Variants in EXT2 observed in about 807,000 individuals in gnomAD.
EXT2 encodes the protein exostosin glycosyltransferase 2, also known as exostosin-2.
EXT2 carries 53 observed loss-of-function variants against 81.6 expected under a neutral mutation model. The observed-to-expected ratio is 0.65, with a 90% CI of 0.52 to 0.82. The LOEUF is 0.82. Among genes scored for constraint, EXT2 ranks in the 40% least tolerant of loss-of-function variants. EXT2 has a pLI of 0.00. For synonymous variants in EXT2, 320 were observed against 340.0 expected (o/e 0.94, Z 0.65); for missense variants, 774 against 910.2 (o/e 0.85, Z 1.93).
chr11:44,147,605 G>A (rs1954735757), intron 7 of EXT2, among the ~76,000 whole-genome samples: 2 of 152,040 alleles, frequency 1.3e-5, no homozygotes, highest in African/African-American at 4.8e-5. Flanking sequence ...CTGTCACCCA[G>A]GTTGGAGTGC....
intron 7 of EXT2, among the ~76,000 whole-genome samples, chr11:44,138,448 T>C (rs1031021065): frequency 6.6e-6 from 1 of 152,128 alleles, no homozygotes; most frequent in African/African-American, 2.4e-5. Flanking sequence ...CCCAGTCTGA[T>C]GATTTGTTTT....
rs1954082392 is a variant in EXT2, at chr11:44,107,956, G to GT, written c.244_245insT (p.Asp82ValfsTer11). ...CGACAGTCCCATCCCAGAGCGGGGG[G>GT]ATCTCAGTTGCAGAATGCACACGTG... On this transcript the variant is annotated frameshift_variant, in exon 2 of 14. Coordinates refer to ENST00000533608, the MANE Select transcript of EXT2 (RefSeq NM_207122.2). LOFTEE classifies it high-confidence loss of function. The GT allele has an allele frequency of 6.2e-7, 1 of 1,614,116 alleles. No homozygotes were observed. The highest frequency in any genetic ancestry group is 1.1e-5 in the South Asian group (1 of 91,090).
intron 7 of EXT2, among the ~76,000 whole-genome samples, chr11:44,167,242 G>A (rs576130469): frequency 3.2e-4 from 49 of 152,318 alleles, no homozygotes; most frequent in African/African-American, 1.0e-3. Context: ...AAATGTGCTC[G>A]TAATCTTCCC....
At chr11:44,206,694 C>A in intron 9 of EXT2, 99 bp from the exon 10 acceptor site, 2 of 1,284,218 alleles carry the variant, frequency 1.6e-6, no homozygotes, top group Non-Finnish European at 2.2e-6. Context: ...GCCGTGGATA[C>A]AAGCTGATTC....
At chr11:44,116,529 C>G (rs1054677594) in intron 4 of EXT2, 6 of 152,206 alleles carry the variant, frequency 3.9e-5, no homozygotes, top group Non-Finnish European at 8.8e-5. Context: ...GACCTAGGAG[C>G]AGAACTGCTG....
In EXT2 at chr11:44,171,593, G is replaced by A; in HGVS notation, c.1174-18G>A. 6.2e-7 allele frequency: 1 copy of A among 1,614,080 alleles called. No homozygotes were observed. The highest frequency in any genetic ancestry group is 8.5e-7 in the Non-Finnish European group (1 of 1,180,002). Reference sequence around the variant, plus strand: ...CTGTCTCGCTTGCTCACTTAAAACAGCATTATTTTCTTTATAGGCCCGGTG... The same window carrying A: ...CTGTCTCGCTTGCTCACTTAAAACAACATTATTTTCTTTATAGGCCCGGTG... On this transcript the variant is annotated intron_variant, in intron 7 of 13. Coordinates refer to ENST00000533608, the MANE Select transcript of EXT2 (RefSeq NM_207122.2).
At chr11:44,119,696 T>A (rs1171573631) in intron 4 of EXT2, among the ~76,000 whole-genome samples, 2 of 152,236 alleles carry the variant, frequency 1.3e-5, no homozygotes, top group African/African-American at 2.4e-5. Flanking sequence ...AGTCTCCAGA[T>A]GACAGCCAAA....
intron 3 of EXT2, among the ~76,000 whole-genome samples, chr11:44,110,652 T>C (rs970441350): frequency 1.1e-4 from 17 of 152,240 alleles, no homozygotes; most frequent in Non-Finnish European, 2.5e-4. Flanking sequence ...TTTCACTTTT[T>C]GCTGACATTT....
chr11:44,158,301 T>C (rs919874834), intron 7 of EXT2, among the ~76,000 whole-genome samples: 1 of 152,198 alleles, frequency 6.6e-6, no homozygotes, highest in Admixed American at 6.5e-5. Flanking sequence ...CCTTGTGGCC[T>C]GGACTGCCTT....
chr11:44,133,777 A>G (rs1954527376), intron 7 of EXT2, among the ~76,000 whole-genome samples: 1 of 152,158 alleles, frequency 6.6e-6, no homozygotes, highest in Admixed American at 6.5e-5. Context: ...AATGTGGGGT[A>G]GGGTCTTGGT....
At chr11:44,180,083 T>C (rs1323956184) in intron 8 of EXT2, among the ~76,000 whole-genome samples, 1 of 152,228 alleles carries the variant, frequency 6.6e-6, no homozygotes, top group Non-Finnish European at 1.5e-5. Flanking sequence ...GGCTTAAAAA[T>C]TCAAGTAAAA....
At chr11:44,198,231 G>T (rs1955481784) in intron 9 of EXT2, 3 of 600,650 alleles carry the variant, frequency 5.0e-6, no homozygotes, top group Admixed American at 2.7e-5. Context: ...GTGTTTGAGG[G>T]CTTAGGAATC....
chr11:44,131,434 C>T (rs1442296362), intron 7 of EXT2, among the ~76,000 whole-genome samples: 1 of 152,274 alleles, frequency 6.6e-6, no homozygotes, highest in African/African-American at 2.4e-5. Context: ...AAACTCTGTA[C>T]CCTTAGGTAA....
In EXT2 at chr11:44,245,003, G is replaced by A. The variant is rs367728025; in HGVS notation, c.*716G>A. On this transcript the variant is annotated 3_prime_UTR_variant, in exon 14 of 14. Transcript: ENST00000533608. ...TTTCTCCCTTGATATATTTAACTCC[G>A]TCTTTGGCCTGACAACAGTCTTCTG... The A allele has an allele frequency of 8.6e-6, 2 of 231,932 alleles. No individual in the cohort carries two copies. The highest frequency in any genetic ancestry group is 8.5e-6 in the Non-Finnish European group (1 of 117,394). The allele number at this position is 231,932 out of a possible 1,614,324, so 14.4% of individuals were successfully genotyped here. A position where few individuals can be genotyped will look rare whatever the true frequency, so the allele number is the denominator to read the frequency against.
At chr11:44,162,299 G>A (rs1470259406) in intron 7 of EXT2, among the ~76,000 whole-genome samples, 1 of 152,152 alleles carries the variant, frequency 6.6e-6, no homozygotes, top group Non-Finnish European at 1.5e-5. Flanking sequence ...TTACCAGCTG[G>A]GCTCAGTGGC....
At chr11:44,219,381 G>A (rs1191156259) in intron 10 of EXT2, among the ~76,000 whole-genome samples, 3 of 152,074 alleles carry the variant, frequency 2.0e-5, no homozygotes, top group Non-Finnish European at 4.4e-5. Flanking sequence ...AAGTGTGGTG[G>A]CGCTCACCTG....
chr11:44,104,951 A>G (rs189428547), intron 1 of EXT2, among the ~76,000 whole-genome samples: 5 of 152,360 alleles, frequency 3.3e-5, no homozygotes, highest in African/African-American at 1.2e-4. Context: ...TTTAAGCTCA[A>G]AATGTATGAA....
chr11:44,170,333 G>A (rs1010938323), intron 7 of EXT2, among the ~76,000 whole-genome samples: 14 of 152,018 alleles, frequency 9.2e-5, no homozygotes, highest in African/African-American at 2.2e-4. Flanking sequence ...AGCACATAGC[G>A]GGAAATTTAT....
chr11:44,217,258 G>A (rs1306454910), intron 10 of EXT2, among the ~76,000 whole-genome samples: 6 of 152,088 alleles, frequency 3.9e-5, no homozygotes, highest in Non-Finnish European at 2.9e-5. Flanking sequence ...GCAAGTTCTT[G>A]GGAATGAAAG....
Sources: allele counts gnomAD v4.1 joint callset (sites outside exome capture counted in the v4.1 genomes callset), GRCh38; gene constraint gnomAD v4.1.1; transcripts MANE v1.5; gene names NCBI Gene and HGNC (gene_info 2026-07-23, HGNC 2026-07-21).